Variants in ASH1L observed in about 807,000 individuals in gnomAD.
The protein encoded by ASH1L is ASH1 like histone lysine methyltransferase.
A neutral mutation model predicts 269.0 loss-of-function variants in ASH1L; 23 were observed. The ratio of observed to expected loss-of-function variants is 0.09; its 90% confidence interval spans 0.06 to 0.12. The LOEUF (loss-of-function observed/expected upper bound fraction) is 0.12. Among genes scored for constraint, ASH1L ranks in the 10% least tolerant of loss-of-function variants. The probability of loss-of-function intolerance (pLI) is 1.00; values close to 1 mark genes in which losing one functional copy is unlikely to be tolerated. For missense variants in ASH1L, 2,912 were observed against 3,567.8 expected (o/e 0.82, Z 4.68); for synonymous variants, 1,187 against 1,253.5 (o/e 0.95, Z 1.12).
chr1:155,395,357 A>C, intron 7 of ASH1L, 102 bp downstream of exon 7: 2 of 837,710 alleles, frequency 2.4e-6, no homozygotes, highest in East Asian at 2.9e-5. Flanking sequence ...GCTTGATCCC[A>C]CTGGAGAAAT....
At position 155,346,227 on chromosome 1, in the gene ASH1L, A is replaced by C. The variant is rs763458574; in HGVS notation, c.7890+156T>G. 32 of 1,546,782 alleles carry C rather than the reference A, an allele frequency of 2.1e-5. 1 individual carries two copies. The Admixed American group carries it at 2.9e-4, about 14-fold the overall frequency. ...ATACTCCTGAAATAGGGAAGAACAG[A>C]ATTATGACCCTTAATGTAAAGTTTA... On this transcript the variant is annotated intron_variant, in intron 21 of 27. Coordinates refer to ENST00000392403, the MANE Select transcript of ASH1L (RefSeq NM_018489.3).
Position 155,562,634 on chromosome 1 carries a change from C to G in ASH1L, c.-581G>C, listed in dbSNP as rs1046475170. 2 of 1,526,410 alleles carry G rather than the reference C, an allele frequency of 1.3e-6. No homozygotes were observed. Among genetic ancestry groups the G allele is most frequent in the Non-Finnish European group, 1.8e-6 (2 of 1,140,756 alleles). The allele number at this position is 1,526,410 out of a possible 1,614,324, so 94.6% of individuals were successfully genotyped here. On this transcript the variant is annotated 5_prime_UTR_variant, in exon 1 of 28. Transcript: ENST00000392403. ...CGTACGAGTGTCTACGGGCTCGTCG[C>G]TGGCTGCTCCCACCAACCACCACCT...
chr1:155,377,465 C>T (rs1656555842), intron 10 of ASH1L, among the ~76,000 whole-genome samples: 1 of 152,084 alleles, frequency 6.6e-6, no homozygotes. Context: ...CACAGTATCA[C>T]ATACCTATAG....
At chr1:155,433,256 G>C in intron 5 of ASH1L, 1 of 1,555,212 alleles carries the variant, frequency 6.4e-7, no homozygotes, top group Non-Finnish European at 8.7e-7. Flanking sequence ...AGGGGGGCCG[G>C]AGCCGGGCTG....
At chr1:155,391,891 G>C (rs12407344) in intron 7 of ASH1L, among the ~76,000 whole-genome samples, 1 of 152,118 alleles carries the variant, frequency 6.6e-6, no homozygotes, top group Admixed American at 6.6e-5. Context: ...AGGAGGTAGA[G>C]GCTGCAGTGA....
intron 4 of ASH1L, among the ~76,000 whole-genome samples, chr1:155,446,258 C>A (rs1377901768): frequency 6.6e-6 from 1 of 150,606 alleles, no homozygotes; most frequent in East Asian, 1.9e-4. Context: ...GCTTTTAATA[C>A]AACTGTAAAT....
At chr1:155,443,040 TCAAA>T (rs1211333645) in intron 4 of ASH1L, among the ~76,000 whole-genome samples, 2 of 152,254 alleles carry the variant, frequency 1.3e-5, no homozygotes, top group Non-Finnish European at 2.9e-5. Flanking sequence ...TATGTAATTC[TCAAA>T]CAATGTTTGG....
intron 2 of ASH1L, among the ~76,000 whole-genome samples, chr1:155,510,411 C>T (rs1318369152): frequency 2.4e-5 from 1 of 40,960 alleles, no homozygotes; most frequent in East Asian, 7.4e-4. Context: ...AAGGCTGCCT[C>T]AAAAAAAAAA....
intron 1 of ASH1L, among the ~76,000 whole-genome samples, chr1:155,552,202 C>T (rs1468400122): frequency 1.3e-5 from 2 of 152,048 alleles, no homozygotes; most frequent in Admixed American, 6.6e-5. Flanking sequence ...CACAGTGGCT[C>T]ACGCCTGTAA....
At chr1:155,380,206 G>A (rs2148443719) in intron 7 of ASH1L, 90 bp from the exon 8 acceptor site, 3 of 873,860 alleles carry the variant, frequency 3.4e-6, no homozygotes, top group Non-Finnish European at 5.3e-6. Flanking sequence ...AACATGTACT[G>A]ACTAAAAAAA....
chr1:155,524,599 A>G (rs921461731), intron 1 of ASH1L, among the ~76,000 whole-genome samples: 5 of 152,064 alleles, frequency 3.3e-5, no homozygotes, highest in Non-Finnish European at 7.4e-5. Flanking sequence ...TTGGGAGACT[A>G]AAGTGGGAGG....
intron 4 of ASH1L, among the ~76,000 whole-genome samples, chr1:155,443,785 T>C (rs1662781478): frequency 6.6e-6 from 1 of 152,192 alleles, no homozygotes; most frequent in Non-Finnish European, 1.5e-5. Context: ...CTTTTTACTA[T>C]TCACATATTT....
intron 2 of ASH1L, among the ~76,000 whole-genome samples, chr1:155,498,910 A>G (rs1159880572): frequency 6.6e-6 from 1 of 151,118 alleles, no homozygotes; most frequent in Non-Finnish European, 1.5e-5. Flanking sequence ...ACATCTGAGA[A>G]CAGGAGTAAA....
intron 8 of ASH1L, 140 bp downstream of exon 8, chr1:155,379,903 C>T: frequency 3.6e-6 from 2 of 559,890 alleles, no homozygotes; most frequent in Non-Finnish European, 6.3e-6. Context: ...ATTCATTTTT[C>T]TTAGTCCTAA....
At chr1:155,546,945 CTTT>C (rs71080709) in intron 1 of ASH1L, among the ~76,000 whole-genome samples, 226 of 88,116 alleles carry the variant, frequency 2.6e-3, no homozygotes, top group African/African-American at 0.01. Flanking sequence ...TCATCACATT[CTTT>C]TTTTTTTTTT....
chr1:155,395,464 T>A lies in ASH1L; in HGVS notation c.6098A>T (p.His2033Leu), dbSNP rs1285991399. The A allele has an allele frequency of 1.9e-6, 3 of 1,605,282 alleles. No homozygotes were observed. The highest frequency in any genetic ancestry group is 2.7e-5 in the African/African-American group (2 of 74,186). ...TGTGTGGACTCGGTACTTACCAACA[T>A]GAATGGGCGCTGGAAATAATCCATA... ...HEYGLFPAPI[H>L]VGKYLRQKRI... Residue 2033 changes from histidine (H) to leucine (L), a missense_variant, in exon 7 of 28, where the codon CAT becomes CTT. Physicochemically the swap from His to Leu is moderately conservative, Grantham distance 99. Around this residue, in one of 13 missense-constraint regions of ASH1L, gnomAD observed 193 missense variants for 311.6 expected, o/e 0.62. Transcript: ENST00000392403.
chr1:155,398,770 G>C (rs1386357505), intron 6 of ASH1L, among the ~76,000 whole-genome samples: 2 of 152,082 alleles, frequency 1.3e-5, no homozygotes, highest in Non-Finnish European at 2.9e-5. Flanking sequence ...GCAGTGGCGA[G>C]ATCTCAGCTC....
chr1:155,515,947 C>T (rs977924392), intron 2 of ASH1L, among the ~76,000 whole-genome samples: 5 of 151,620 alleles, frequency 3.3e-5, no homozygotes, highest in Admixed American at 6.6e-5. Flanking sequence ...ACTATACTAG[C>T]ATGGATTATG....
chr1:155,465,997 GC>G (rs1664663078), intron 3 of ASH1L, among the ~76,000 whole-genome samples: 1 of 152,180 alleles, frequency 6.6e-6, no homozygotes, highest in South Asian at 2.1e-4. Context: ...TTTATCTGAT[GC>G]ACCAACTAAA....
Sources: allele counts gnomAD v4.1 joint callset (sites outside exome capture counted in the v4.1 genomes callset), GRCh38; gene constraint gnomAD v4.1.1; regional missense constraint gnomAD v4.1.1; transcripts MANE v1.5; gene names NCBI Gene and HGNC (gene_info 2026-07-23, HGNC 2026-07-21).